Variants in DSP observed in about 807,000 individuals in gnomAD.
DSP encodes 250/210 kDa paraneoplastic pemphigus antigen.
DSP carries 114 observed loss-of-function variants against 290.6 expected under a neutral mutation model. That is an observed-to-expected ratio of 0.39 (90% confidence interval 0.34 to 0.46). The LOEUF (loss-of-function observed/expected upper bound fraction) is 0.46, where lower values mean the gene tolerates loss of function less well. Among genes scored for constraint, DSP ranks in the 20% least tolerant of loss-of-function variants. The pLI, the probability that DSP is intolerant of heterozygous loss-of-function variation, is 0.99. For missense variants in DSP, 3,230 were observed against 3,495.8 expected, an observed-to-expected ratio of 0.92 and a Z score of 1.92; for synonymous variants, 1,311 against 1,316.4, an observed-to-expected ratio of 1.00 and a Z score of 0.09.
At chr6:7,550,741 T>G (rs898517958) in intron 1 of DSP, among the ~76,000 whole-genome samples, 2 of 152,060 alleles carry the variant, frequency 1.3e-5, no homozygotes, top group Non-Finnish European at 2.9e-5. Flanking sequence ...TAATTTTGGT[T>G]TGGAAGTCAA....
At position 7,582,253 on chromosome 6, in the gene DSP, A is replaced by G. The variant is rs987375313; in HGVS notation, c.5380-389A>G. 4.0e-5 allele frequency among the ~76,000 whole-genome samples: 6 copies of G among 148,310 alleles called. No homozygotes were observed. Among genetic ancestry groups the G allele is most frequent in the African/African-American group, 1.2e-4 (5 of 40,684 alleles). On this transcript the variant is annotated intron_variant, in intron 23 of 23. Transcript: ENST00000379802. The surrounding 1 kb of genome is among the most constrained non-coding windows in gnomAD (Gnocchi z 4.2). ...TATTTTATATAATATATATCTTCAT[A>G]TATTTGTATTGCTTCATTAAGTATG...
In DSP at chr6:7,586,168, G is replaced by T; in HGVS notation, c.*290G>T. ...ATTTGTTTCTTCTCTTCTGTGTTTC[G>T]ATTTTTGATCAATTCTTTAATTTTG... On this transcript the variant is annotated 3_prime_UTR_variant, in exon 24 of 24. Transcript: ENST00000379802. The T allele has an allele frequency of 3.2e-6, 1 of 308,996 alleles. No homozygotes were observed. 19.1% of individuals were successfully genotyped at this position (308,996 alleles called of 1,614,324 possible).
In DSP at chr6:7,542,097, C is replaced by T. The variant is rs1191191666; in HGVS notation, c.170+12C>T. 1.3e-6 allele frequency: 2 copies of T among 1,554,816 alleles called. No homozygotes were observed. The highest frequency in any genetic ancestry group is 1.7e-6 in the Non-Finnish European group (2 of 1,149,382). ...TCGGACGGCTACTGGTGGGTACCTG[C>T]CCGGAGAGCGCGGGCTGCGGGGCTC... On this transcript the variant is annotated intron_variant, in intron 1 of 23. Coordinates refer to ENST00000379802, the MANE Select transcript of DSP (RefSeq NM_004415.4).
intron 1 of DSP, among the ~76,000 whole-genome samples, chr6:7,550,132 G>A (rs187504451): frequency 1.3e-5 from 2 of 152,164 alleles, no homozygotes; most frequent in African/African-American, 4.8e-5. Flanking sequence ...CTGCCTCCCA[G>A]GTTCAACCAT....
intron 15 of DSP, 27 bp downstream of exon 15, chr6:7,572,095 G>A: frequency 6.3e-7 from 1 of 1,583,940 alleles, no homozygotes; most frequent in Non-Finnish European, 8.7e-7. Context: ...ATTTTGCCTG[G>A]TTACCCTGTA....
chr6:7,542,632 A>G (rs1758033634), intron 1 of DSP, among the ~76,000 whole-genome samples: 1 of 151,858 alleles, frequency 6.6e-6, no homozygotes, highest in African/African-American at 2.4e-5. Context: ...GGACGTTTGT[A>G]TCAAGGCTGC....
chr6:7,559,084 A>G, intron 3 of DSP, 142 bp from the exon 4 acceptor site: 1 of 930,068 alleles, frequency 1.1e-6, no homozygotes, highest in South Asian at 1.5e-5. Flanking sequence ...GTCCTGGGGT[A>G]AAGAAAAAAA....
intron 1 of DSP, 91 bp downstream of exon 1, chr6:7,542,176 A>C (rs1176635956): frequency 3.3e-6 from 5 of 1,498,148 alleles, no homozygotes; most frequent in Non-Finnish European, 4.5e-6. Flanking sequence ...TCGGGTCCCG[A>C]AGGTGGAAAG....
At chr6:7,547,550 C>T (rs1167297514) in intron 1 of DSP, among the ~76,000 whole-genome samples, 1 of 151,874 alleles carries the variant, frequency 6.6e-6, no homozygotes, top group Non-Finnish European at 1.5e-5. Context: ...ACCTCAGCCT[C>T]TCGAGTAGCT....
At chr6:7,542,173 C>T in intron 1 of DSP, 88 bp downstream of exon 1, 5 of 1,511,196 alleles carry the variant, frequency 3.3e-6, no homozygotes, top group South Asian at 1.2e-5. Context: ...GACTCGGGTC[C>T]CGAAGGTGGA....
Position 7,580,054 on chromosome 6 carries a change from G to T in DSP, c.3864G>T (p.Lys1288Asn), listed in dbSNP as rs768166626. Residue 1288 changes from lysine to asparagine, a missense_variant, in exon 23 of 24, where the codon AAG (lysine) becomes AAT (asparagine). This residue lies in a region of DSP where 1,714 missense variants were observed against 1,844.5 expected (regional missense o/e 0.93). Coordinates refer to ENST00000379802, the MANE Select transcript of DSP (RefSeq NM_004415.4). This position sits in a 1 kb window ranked among gnomAD's most constrained non-coding sequence, Gnocchi z 4.2. Reference protein sequence around the residue: ...KACGSEIMQKKQHLEIELKQV... With the variant: ...KACGSEIMQKNQHLEIELKQV... ...GTGGCTCTGAGATAATGCAGAAGAAGCAGCATCTGGAGATAGAACTGAAGC... is the reference window on the plus strand; with the variant it reads ...GTGGCTCTGAGATAATGCAGAAGAATCAGCATCTGGAGATAGAACTGAAGC... 8 of 1,613,932 alleles carry T rather than the reference G, an allele frequency of 5.0e-6. No homozygotes were observed. In the African/African-American group the frequency reaches 1.1e-4, roughly 22 times the overall value.
intron 11 of DSP, 117 bp from the exon 12 acceptor site, chr6:7,569,069 A>G (rs1758950942): frequency 7.1e-7 from 1 of 1,410,882 alleles, no homozygotes. Context: ...ATTTGAGGGG[A>G]AAAACGTAAA....
chr6:7,559,203 T>C, intron 3 of DSP, 23 bp from the exon 4 acceptor site: 1 of 1,613,428 alleles, frequency 6.2e-7, no homozygotes, highest in Admixed American at 1.7e-5. Flanking sequence ...CCTGCAGTGG[T>C]TTAAAGGTTT....
At chr6:7,566,275 T>C in intron 7 of DSP, 102 bp from the exon 8 acceptor site, 1 of 937,566 alleles carries the variant, frequency 1.1e-6, no homozygotes, top group Non-Finnish European at 1.7e-6. Context: ...ATTGTTCATT[T>C]CCAAAATGCA....
Position 7,575,326 on chromosome 6 carries a change from CGTT to C in DSP, c.2473_2475del (p.Leu825del), listed in dbSNP as rs1759202338. 2 of 1,613,250 alleles carry C rather than the reference CGTT, an allele frequency of 1.2e-6. No homozygotes were observed. On this transcript the variant is annotated inframe_deletion, in exon 18 of 24. Transcript: ENST00000379802. ...AAAAATGACTTGAACTTGAAGAAGT[CGTT>C]GTTGGCCACTATGAAGACAGAACTA... is the stretch of plus-strand genomic sequence containing the variant.
chr6:7,558,731 C>A (rs1758581741), intron 3 of DSP, among the ~76,000 whole-genome samples: 1 of 152,102 alleles, frequency 6.6e-6, no homozygotes, highest in Non-Finnish European at 1.5e-5. Flanking sequence ...TTAGGCTGAT[C>A]TCGAAGTCCT....
Position 7,585,405 on chromosome 6 carries a change from G to C in DSP, c.8143G>C (p.Glu2715Gln). 4 of 1,614,160 alleles carry C rather than the reference G, an allele frequency of 2.5e-6. No homozygotes were observed. The highest frequency in any genetic ancestry group is 3.4e-6 in the Non-Finnish European group (4 of 1,179,996). The change falls in exon 24 of 24, where the codon GAA (glutamate) becomes CAA (glutamine). Residue 2715 changes from glutamate to glutamine, a missense_variant. Glu to Gln is a conservative substitution (Grantham distance 29). Transcript: ENST00000379802. ...GATGTCAGCAGCAGAGGCAGTGAAA[G>C]AAAAATGGCTCCCGTATGAGGCTGG... ...KKMSAAEAVK[E>Q]KWLPYEAGQR...
At chr6:7,574,555 C>A (rs931660549) in intron 16 of DSP, 102 bp from the exon 17 acceptor site, 2 of 1,529,478 alleles carry the variant, frequency 1.3e-6, no homozygotes, top group Non-Finnish European at 1.8e-6. Context: ...AAATTTTTAT[C>A]TGCTTTGACG....
At chr6:7,547,832 C>G (rs943776370) in intron 1 of DSP, among the ~76,000 whole-genome samples, 1 of 152,122 alleles carries the variant, frequency 6.6e-6, no homozygotes, top group African/African-American at 2.4e-5. Flanking sequence ...TTGTAGGGAA[C>G]CTGAGGAACT....
Sources: gnomAD v4.1 joint callset for allele counts (sites outside exome capture counted in the v4.1 genomes callset) on GRCh38, gnomAD v4.1.1 for gene constraint, gnomAD v4.1.1 regional missense constraint, Gnocchi (gnomAD v3.1) non-coding constraint, MANE v1.5 for transcripts, NCBI Gene and HGNC (gene_info 2026-07-23, HGNC 2026-07-21) for gene names.